The following NAV2 variants were observed in gnomAD, a reference collection of about 807,000 sequenced individuals.
The protein encoded by NAV2 is neuron navigator 2.
Under a neutral mutation model 223.2 loss-of-function variants are expected in NAV2, and 54 were observed. The ratio of observed to expected loss-of-function variants is 0.24; its 90% confidence interval spans 0.19 to 0.30. NAV2 has a LOEUF of 0.30. Ranked by LOEUF, NAV2 falls within the 10% of genes least tolerant of loss-of-function variation. The pLI is 1.00. For missense variants in NAV2, 2,806 were observed against 3,147.5 expected (o/e 0.89, Z 2.60); for synonymous variants, 1,279 against 1,239.3 (o/e 1.03, Z -0.67).
intron 10 of NAV2, among the ~76,000 whole-genome samples, chr11:19,956,679 GCCACCATC>G (rs1331170288): frequency 1.3e-5 from 2 of 152,166 alleles, no homozygotes; most frequent in Non-Finnish European, 2.9e-5. Flanking sequence ...CTCCATGAGT[GCCACCATC>G]CCAGCAACAC....
At chr11:19,347,762 A>G (rs758139489), upstream of NAV2, among the ~76,000 whole-genome samples, 17 of 152,184 alleles carry the variant, frequency 1.1e-4, no homozygotes, top group Non-Finnish European at 2.2e-4. Context: ...TCATTTCTCA[A>G]CAATTCAGTT....
At chr11:19,571,482 G>A (rs1180930188) in intron 1 of NAV2, among the ~76,000 whole-genome samples, 1 of 152,180 alleles carries the variant, frequency 6.6e-6, no homozygotes, top group African/African-American at 2.4e-5. Flanking sequence ...CAAGGTGGGT[G>A]GATCACCTGA....
At chr11:20,051,095 T>G (rs1276192430) in intron 16 of NAV2, among the ~76,000 whole-genome samples, 194 bp from the exon 17 acceptor site, 1 of 152,230 alleles carries the variant, frequency 6.6e-6, no homozygotes, top group Non-Finnish European at 1.5e-5. Flanking sequence ...TGGTGTCAGC[T>G]CAGGCTGAGG....
intron 1 of NAV2, among the ~76,000 whole-genome samples, chr11:19,589,798 G>T (rs1000615314): frequency 6.6e-5 from 10 of 152,210 alleles, no homozygotes; most frequent in African/African-American, 2.4e-4. Context: ...GTAACCAAGG[G>T]ATGGTCTATT....
chr11:19,670,920 G>A (rs552284052), intron 1 of NAV2, among the ~76,000 whole-genome samples: 5 of 152,212 alleles, frequency 3.3e-5, no homozygotes, highest in East Asian at 3.9e-4. Context: ...GAATGCCAGC[G>A]CAGCTAAGGG....
Position 20,110,976 on chromosome 11 carries a change from G to C in NAV2, c.6960+3194G>C, listed in dbSNP as rs144379936. On this transcript the variant is annotated intron_variant, in intron 36 of 37. Transcript: ENST00000349880. ...AGTATGGATTTGGTGGGAACGTAAG[G>C]AGACCTGCTGTCATCAGGGGATGAG... 4.0e-3 allele frequency among the ~76,000 whole-genome samples: 611 copies of C among 152,276 alleles called. 4 individuals carry two copies. The highest frequency in any genetic ancestry group is 0.014 in the African/African-American group (577 of 41,558).
chr11:20,069,121 A>T (rs1398272807), intron 22 of NAV2, among the ~76,000 whole-genome samples: 1 of 152,090 alleles, frequency 6.6e-6, no homozygotes, highest in East Asian at 1.9e-4. Flanking sequence ...TAAGAAAAAA[A>T]TTTTTTAAAA....
At chr11:19,351,899 TC>T (rs1853346540) in intron 1 of NAV2, among the ~76,000 whole-genome samples, 3 of 150,974 alleles carry the variant, frequency 2.0e-5, no homozygotes, top group Admixed American at 6.6e-5. Context: ...GATTGACTCT[TC>T]CCAGTGTGAA....
intron 1 of NAV2, among the ~76,000 whole-genome samples, chr11:19,409,573 T>C (rs1413496439): frequency 6.6e-6 from 1 of 152,072 alleles, no homozygotes; most frequent in Admixed American, 6.5e-5. Context: ...AGTGGAATGG[T>C]GAAGGCTGTC....
In NAV2 at chr11:20,049,184, A is replaced by G; in HGVS notation, c.4359A>G (p.Thr1453=). 6.3e-7 allele frequency: 1 copy of G among 1,593,692 alleles called. No homozygotes were observed. The highest frequency in any genetic ancestry group is 8.6e-7 in the Non-Finnish European group (1 of 1,168,464). Residue 1453 remains threonine, a synonymous_variant, in exon 15 of 38, where the codon ACA becomes ACG. Transcript: ENST00000349880. ...TCAGAACTAACAGTGTGAAGACCAC[A>G]CTGTCAGAAAGGTTGGTGCTGTGCC... ...PFVRTNSVKT[T]LSESPLSSPA...
At chr11:19,534,754 C>A (rs1420950844) in intron 1 of NAV2, among the ~76,000 whole-genome samples, 1 of 152,136 alleles carries the variant, frequency 6.6e-6, no homozygotes. Flanking sequence ...AACTGAGAGA[C>A]CTTGCATTCC....
At chr11:20,077,938 T>C (rs976477683) in intron 23 of NAV2, 55 bp from the exon 24 acceptor site, 4 of 1,423,140 alleles carry the variant, frequency 2.8e-6, no homozygotes, top group African/African-American at 1.4e-5. Context: ...TGTACTTCAG[T>C]TGAACTCTGT....
At chr11:19,792,334 G>T (rs1040466534) in intron 1 of NAV2, among the ~76,000 whole-genome samples, 1 of 152,186 alleles carries the variant, frequency 6.6e-6, no homozygotes, top group Admixed American at 6.5e-5. Flanking sequence ...TCTAAGTAGT[G>T]GGGGGCATTG....
rs117673667 is a variant in NAV2 at position 19,597,785 on chromosome 11, C to T, written c.76-234699C>T. ...TTTAGCTGAAGGAGGTGGGGAGGAT[C>T]GGGGATGCGTGAGGAATGTCTGCAC... On this transcript the variant is annotated intron_variant, in intron 1 of 37. Transcript: ENST00000360655. Among the ~76,000 whole-genome samples, 505 of 152,294 alleles carry T rather than the reference C, an allele frequency of 3.3e-3. 2 individuals are homozygous for T. Among genetic ancestry groups the T allele is most frequent in the Admixed American group, 6.0e-3 (92 of 15,300 alleles).
At chr11:20,082,596 A>G (rs2060160608) in intron 25 of NAV2, 3 of 1,613,874 alleles carry the variant, frequency 1.9e-6, no homozygotes, top group African/African-American at 2.7e-5. Context: ...TGGCAGGTCA[A>G]TGAGGTAAGC....
chr11:19,655,679 G>T lies in NAV2; in HGVS notation c.76-176805G>T, dbSNP rs192635702. On this transcript the variant is annotated intron_variant, in intron 1 of 37. Transcript: ENST00000360655. ...CACTGCATTGTTCTCACTCATAGGT[G>T]GGAATTGAACAATGAGAACACATGG... is the stretch of plus-strand genomic sequence containing the variant. Among the ~76,000 whole-genome samples the T allele has an allele frequency of 4.1e-5, 6 of 147,866 alleles. No homozygotes were observed. The East Asian group carries it at 1.2e-3, about 30-fold the overall frequency.
At chr11:19,661,365 T>C (rs960964179) in intron 1 of NAV2, among the ~76,000 whole-genome samples, 2 of 152,166 alleles carry the variant, frequency 1.3e-5, no homozygotes, top group African/African-American at 4.8e-5. Context: ...GATACTTGGG[T>C]TGCTTCTATA....
intron 37 of NAV2, among the ~76,000 whole-genome samples, chr11:20,115,192 T>C (rs1234988249): frequency 6.6e-6 from 1 of 152,030 alleles, no homozygotes; most frequent in Non-Finnish European, 1.5e-5. Flanking sequence ...AGGCAAATGA[T>C]AGGGTAAACA....
intron 19 of NAV2, 139 bp from the exon 20 acceptor site, chr11:20,062,168 C>A: frequency 1.8e-6 from 1 of 542,226 alleles, no homozygotes. Context: ...TATCGCCAAA[C>A]CAGGAAAGGT....
Sources: gnomAD v4.1 joint callset for allele counts (sites outside exome capture counted in the v4.1 genomes callset) on GRCh38, gnomAD v4.1.1 for gene constraint, MANE v1.5 for transcripts, NCBI Gene and HGNC (gene_info 2026-07-23, HGNC 2026-07-21) for gene names.